FHIT: variants seen among roughly 807,000 people sequenced by gnomAD.
The protein encoded by FHIT is fragile histidine triad diadenosine triphosphatase.
FHIT carries 19 observed loss-of-function variants against 17.9 expected under a neutral mutation model. That is an observed-to-expected ratio of 1.06 (90% confidence interval 0.74 to 1.56). The LOEUF (loss-of-function observed/expected upper bound fraction) is 1.56. FHIT is among the 40% of genes most tolerant of loss of function. FHIT has a pLI of 0.00. For synonymous variants in FHIT, 81 were observed against 69.7 expected, an observed-to-expected ratio of 1.16 and a Z score of -0.81; for missense variants, 248 against 189.2, an observed-to-expected ratio of 1.31 and a Z score of -1.82.
At chr3:60,878,173 C>G (rs1704759045) in intron 3 of FHIT, among the ~76,000 whole-genome samples, 1 of 152,060 alleles carries the variant, frequency 6.6e-6, no homozygotes, top group Non-Finnish European at 1.5e-5. Flanking sequence ...TGAATCAAAG[C>G]TGGTAGGGGC....
At chr3:60,905,212 C>CA (rs1402204317) in intron 3 of FHIT, among the ~76,000 whole-genome samples, 7 of 151,992 alleles carry the variant, frequency 4.6e-5, no homozygotes, top group African/African-American at 1.7e-4. Flanking sequence ...CTCTTCTTAA[C>CA]AAAAAAGTTG....
chr3:60,174,805 G>C (rs1701592910), intron 5 of FHIT, among the ~76,000 whole-genome samples: 1 of 151,936 alleles, frequency 6.6e-6, no homozygotes, highest in Non-Finnish European at 1.5e-5. Flanking sequence ...TGCCCACTCA[G>C]CAGTTATTTC....
chr3:60,476,081 ATAG>A (rs1399025113), intron 5 of FHIT, among the ~76,000 whole-genome samples: 1 of 152,228 alleles, frequency 6.6e-6, no homozygotes, highest in Admixed American at 6.5e-5. Context: ...TAGAAGTGAG[ATAG>A]TAGAAAAACT....
intron 5 of FHIT, among the ~76,000 whole-genome samples, chr3:60,056,797 A>G (rs1358993472): frequency 6.6e-6 from 1 of 152,240 alleles, no homozygotes; most frequent in Non-Finnish European, 1.5e-5. Context: ...AAGAGGGGCC[A>G]ATACTTTTAT....
intron 2 of FHIT, among the ~76,000 whole-genome samples, chr3:61,087,496 T>C (rs533936513): frequency 1.3e-5 from 2 of 152,296 alleles, no homozygotes; most frequent in Admixed American, 6.5e-5. Flanking sequence ...ATCCATTCGA[T>C]AATATTGTTG....
At chr3:60,130,000 C>T (rs907632255) in intron 5 of FHIT, among the ~76,000 whole-genome samples, 3 of 152,174 alleles carry the variant, frequency 2.0e-5, no homozygotes, top group Non-Finnish European at 4.4e-5. Context: ...CGCTCACCTA[C>T]ATACACACAC....
At chr3:60,157,305 A>G (rs1343420450) in intron 5 of FHIT, among the ~76,000 whole-genome samples, 3 of 152,146 alleles carry the variant, frequency 2.0e-5, no homozygotes, top group Non-Finnish European at 2.9e-5. Context: ...CAGGCACATC[A>G]AGAGCTTTTT....
chr3:60,115,927 A>T (rs935724141), intron 5 of FHIT, among the ~76,000 whole-genome samples: 1 of 152,152 alleles, frequency 6.6e-6, no homozygotes, highest in African/African-American at 2.4e-5. Context: ...CTGGAAGGAA[A>T]TTTACTCAAA....
rs532739591 is a variant in FHIT at position 60,037,624 on chromosome 3, C to T, written c.104-23472G>A. On this transcript the variant is annotated intron_variant, in intron 5 of 9. Coordinates refer to ENST00000492590, the MANE Select transcript of FHIT (RefSeq NM_002012.4). ...CTCGAACTCCTAACCTCAGGTGATC[C>T]GCCCGACTTGGCCTCTCAAAGTGCT... 2.1e-4 allele frequency among the ~76,000 whole-genome samples: 32 copies of T among 151,920 alleles called. No individual in the cohort carries two copies. The South Asian group carries it at 2.3e-3, about 11-fold the overall frequency.
chr3:60,234,854 C>T (rs1035679345), intron 5 of FHIT, among the ~76,000 whole-genome samples: 2 of 152,168 alleles, frequency 1.3e-5, no homozygotes, highest in African/African-American at 4.8e-5. Flanking sequence ...AGGACACTGA[C>T]TGGTAGACTT....
intron 2 of FHIT, among the ~76,000 whole-genome samples, chr3:61,062,493 C>T (rs992705012): frequency 9.2e-5 from 14 of 152,002 alleles, no homozygotes; most frequent in Admixed American, 2.0e-4. Context: ...GATTGAGTTA[C>T]AAATGGATGA....
At chr3:61,077,896 T>C (rs1390666624) in intron 2 of FHIT, among the ~76,000 whole-genome samples, 1 of 152,156 alleles carries the variant, frequency 6.6e-6, no homozygotes, top group East Asian at 1.9e-4. Flanking sequence ...ATTAGTGAAT[T>C]GAATGATTGA....
At chr3:60,553,441 A>AATAT (rs373735298) in intron 4 of FHIT, 29 of 483,524 alleles carry the variant, frequency 6.0e-5, no homozygotes, top group African/African-American at 1.5e-4. Context: ...ACTGCTTTAA[A>AATAT]ATATATATAT....
chr3:60,117,494 TAA>T (rs34113926), intron 5 of FHIT, among the ~76,000 whole-genome samples: 6,664 of 86,528 alleles, frequency 0.077, 168 homozygotes, highest in Admixed American at 0.13. Context: ...ACTTCCTATC[TAA>T]AAAAAAAAAA....
intron 7 of FHIT, among the ~76,000 whole-genome samples, chr3:59,984,689 T>C (rs1404944323): frequency 3.3e-5 from 5 of 152,110 alleles, no homozygotes; most frequent in African/African-American, 9.7e-5. Flanking sequence ...CACACACTTA[T>C]GAAAATGTGC....
chr3:60,740,169 C>T (rs782108188), intron 4 of FHIT, among the ~76,000 whole-genome samples: 2 of 152,168 alleles, frequency 1.3e-5, no homozygotes, highest in African/African-American at 4.8e-5. Flanking sequence ...ATGTTTGCTG[C>T]AGTTGTTTAT....
At chr3:59,782,641 C>T (rs1363516160) in intron 8 of FHIT, among the ~76,000 whole-genome samples, 2 of 152,156 alleles carry the variant, frequency 1.3e-5, no homozygotes, top group East Asian at 3.8e-4. Flanking sequence ...TCAGTTTCGT[C>T]CATTCTATTT....
At chr3:60,753,913 G>C (rs1393441715) in intron 4 of FHIT, among the ~76,000 whole-genome samples, 3 of 151,700 alleles carry the variant, frequency 2.0e-5, no homozygotes, top group Non-Finnish European at 2.9e-5. Flanking sequence ...CTGTGAACAG[G>C]ATAAATAAAA....
chr3:60,089,005 T>C (rs1172829345), intron 5 of FHIT, among the ~76,000 whole-genome samples: 1 of 152,168 alleles, frequency 6.6e-6, no homozygotes, highest in East Asian at 1.9e-4. Flanking sequence ...GCCCTTGATG[T>C]TAAAAGGAAG....
Sources: gnomAD v4.1 joint callset for allele counts (sites outside exome capture counted in the v4.1 genomes callset) on GRCh38, gnomAD v4.1.1 for gene constraint, MANE v1.5 for transcripts, NCBI Gene and HGNC (gene_info 2026-07-23, HGNC 2026-07-21) for gene names.